CCDC148: variants seen among roughly 807,000 people sequenced by gnomAD.
The protein encoded by CCDC148 is coiled-coil domain containing 148, also known as coiled-coil domain-containing protein 148.
Under a neutral mutation model 85.7 loss-of-function variants are expected in CCDC148, and 89 were observed. That is an observed-to-expected ratio of 1.04 (90% CI 0.87 to 1.24). The LOEUF (loss-of-function observed/expected upper bound fraction) is 1.24, where lower values mean the gene tolerates loss of function less well. Among genes scored for constraint, CCDC148 ranks in the 50% most tolerant of loss-of-function variants. CCDC148 has a pLI of 0.00. For missense variants in CCDC148, 692 were observed against 671.7 expected (o/e 1.03, Z -0.33); for synonymous variants, 230 against 213.9 (o/e 1.08, Z -0.66).
intron 9 of CCDC148, among the ~76,000 whole-genome samples, chr2:158,286,985 G>T (rs904693635): frequency 3.3e-5 from 5 of 152,172 alleles, no homozygotes; most frequent in Non-Finnish European, 7.3e-5. Context: ...TGGACTTACA[G>T]TTTCACATGG....
chr2:158,383,797 T>A lies in CCDC148; in HGVS notation c.26-25227A>T, dbSNP rs547181206. On this transcript the variant is annotated intron_variant, in intron 1 of 13. Coordinates refer to ENST00000283233, the MANE Select transcript of CCDC148 (RefSeq NM_138803.4). ...CAAGACAACTCTCAGCAACAAGAGATTTACCATCGATAACTTTACTGTCAA... is the reference window on the plus strand; with the variant it reads ...CAAGACAACTCTCAGCAACAAGAGAATTACCATCGATAACTTTACTGTCAA... 5.3e-5 allele frequency among the ~76,000 whole-genome samples: 8 copies of A among 152,238 alleles called. No homozygotes were observed. The South Asian group carries it at 1.7e-3, about 32-fold the overall frequency.
At chr2:158,391,719 T>C (rs1574740982) in intron 1 of CCDC148, among the ~76,000 whole-genome samples, 3 of 152,332 alleles carry the variant, frequency 2.0e-5, no homozygotes, top group South Asian at 4.1e-4. Context: ...TTTTCACTTA[T>C]ACTGAAGGAT....
intron 2 of CCDC148, among the ~76,000 whole-genome samples, chr2:158,352,908 T>C (rs1236978140): frequency 6.6e-6 from 1 of 150,894 alleles, no homozygotes; most frequent in Non-Finnish European, 1.5e-5. Context: ...CAGAAGAGAG[T>C]GGGGGCCAAT....
At chr2:158,331,426 A>T (rs1221271182) in intron 7 of CCDC148, among the ~76,000 whole-genome samples, 1 of 152,208 alleles carries the variant, frequency 6.6e-6, no homozygotes, top group Non-Finnish European at 1.5e-5. Context: ...TTTACTTCCA[A>T]CTACGTGGTC....
At chr2:158,309,682 G>T in intron 8 of CCDC148, 43 bp from the exon 9 acceptor site, 2 of 1,342,312 alleles carry the variant, frequency 1.5e-6, no homozygotes, top group South Asian at 2.7e-5. Context: ...TTATGAAAAT[G>T]AGCTTACATT....
intron 9 of CCDC148, among the ~76,000 whole-genome samples, chr2:158,259,752 T>C (rs763237671): frequency 1.3e-5 from 2 of 151,956 alleles, no homozygotes; most frequent in Non-Finnish European, 2.9e-5. Flanking sequence ...TGTGACCCTG[T>C]ACACATGACT....
At chr2:158,269,503 CATTCTGAAGCATGTGTAAACCTAGAA>C (rs540647573) in intron 9 of CCDC148, among the ~76,000 whole-genome samples, 5 of 152,292 alleles carry the variant, frequency 3.3e-5, no homozygotes, top group African/African-American at 1.2e-4. Context: ...AAAACTTATT[CATTCTGAAGCATGTGTAAACCTAGAA>C]ATGCAAGAAA....
chr2:158,256,561 T>C (rs1034733258), intron 9 of CCDC148, among the ~76,000 whole-genome samples: 29 of 151,792 alleles, frequency 1.9e-4, no homozygotes, highest in Non-Finnish European at 2.7e-4. Flanking sequence ...TTGTTTTATA[T>C]GGAAAATCAA....
chr2:158,178,476 T>A (rs1308102160), intron 12 of CCDC148, among the ~76,000 whole-genome samples: 1 of 152,182 alleles, frequency 6.6e-6, no homozygotes, highest in Non-Finnish European at 1.5e-5. Flanking sequence ...ATTTGTTGAC[T>A]GTGGGATGTT....
At position 158,226,360 on chromosome 2, in the gene CCDC148, A is replaced by G. The variant is rs199596084; in HGVS notation, c.1252-5647T>C. Among the ~76,000 whole-genome samples, 7 of 116,804 alleles carry G rather than the reference A, an allele frequency of 6.0e-5. No homozygotes were observed. The South Asian group carries it at 7.3e-4, about 12-fold the overall frequency. 76.6% of individuals were successfully genotyped at this position (116,804 alleles called of 152,430 possible). ...TCCAGGACCAGATGGATTCACAGCC[A>G]TATTCTATCAGAGGTATAAGGAGGA... is the stretch of plus-strand genomic sequence containing the variant. On this transcript the variant is annotated intron_variant, in intron 10 of 13. Coordinates refer to ENST00000283233, the MANE Select transcript of CCDC148 (RefSeq NM_138803.4).
At chr2:158,238,120 T>C (rs111710528) in intron 10 of CCDC148, among the ~76,000 whole-genome samples, 3 of 152,134 alleles carry the variant, frequency 2.0e-5, no homozygotes, top group Admixed American at 6.5e-5. Flanking sequence ...CAGGGAATGA[T>C]GAGATTTTCT....
chr2:158,327,969 G>C (rs953748514), intron 7 of CCDC148, among the ~76,000 whole-genome samples: 1 of 151,570 alleles, frequency 6.6e-6, no homozygotes, highest in African/African-American at 2.4e-5. Flanking sequence ...ATGAAAGTTT[G>C]GGTTCTATTT....
chr2:158,351,017 A>C (rs1166435648), intron 2 of CCDC148, among the ~76,000 whole-genome samples: 1 of 152,086 alleles, frequency 6.6e-6, no homozygotes, highest in Non-Finnish European at 1.5e-5. Flanking sequence ...TTCATACTTT[A>C]TTGGCCTTGA....
intron 9 of CCDC148, among the ~76,000 whole-genome samples, chr2:158,289,087 G>A (rs10188423): frequency 0.47 from 71,222 of 152,004 alleles, 17,185 homozygotes; most frequent in East Asian, 0.65. Flanking sequence ...ACAACACGTG[G>A]GAATTCTGAG....
chr2:158,327,422 G>C (rs575420929), intron 7 of CCDC148, among the ~76,000 whole-genome samples: 1 of 152,232 alleles, frequency 6.6e-6, no homozygotes, highest in African/African-American at 2.4e-5. Context: ...ATTAGGAAAG[G>C]ACCCACCTAC....
chr2:158,409,148 C>T (rs1041137601), intron 1 of CCDC148, among the ~76,000 whole-genome samples: 1 of 152,076 alleles, frequency 6.6e-6, no homozygotes, highest in Non-Finnish European at 1.5e-5. Flanking sequence ...TAGGGCAGTG[C>T]AGAAGGGAAA....
rs1266630637 is a variant in CCDC148 at position 158,280,980 on chromosome 2, A to G, written c.1110+28453T>C. Among the ~76,000 whole-genome samples the G allele has an allele frequency of 2.0e-5, 3 of 152,242 alleles. No homozygotes were observed. In the East Asian group the frequency reaches 5.8e-4, roughly 29 times the overall value. Reference sequence around the variant, plus strand: ...AACTCAGGATTAAGGAACTCACTCAAAACTGCTCAACTACATGGAAACTGA... The same window carrying G: ...AACTCAGGATTAAGGAACTCACTCAGAACTGCTCAACTACATGGAAACTGA... On this transcript the variant is annotated intron_variant, in intron 9 of 13. Coordinates refer to ENST00000283233, the MANE Select transcript of CCDC148 (RefSeq NM_138803.4).
chr2:158,225,045 T>C (rs1024023785), intron 10 of CCDC148, among the ~76,000 whole-genome samples: 5 of 152,194 alleles, frequency 3.3e-5, no homozygotes, highest in African/African-American at 9.7e-5. Flanking sequence ...CAGTGTGCTG[T>C]ATTCACGAAA....
intron 1 of CCDC148, among the ~76,000 whole-genome samples, chr2:158,392,457 A>G (rs1337589084): frequency 6.6e-6 from 1 of 152,130 alleles, no homozygotes; most frequent in Non-Finnish European, 1.5e-5. Flanking sequence ...TTTGAGCACC[A>G]ATATGATATT....
Sources: gnomAD v4.1 joint callset for allele counts (sites outside exome capture counted in the v4.1 genomes callset) on GRCh38, gnomAD v4.1.1 for gene constraint, MANE v1.5 for transcripts, NCBI Gene and HGNC (gene_info 2026-07-23, HGNC 2026-07-21) for gene names.